Variants in ATP8B4 observed in about 807,000 individuals in gnomAD.
The protein encoded by ATP8B4 is probable phospholipid-transporting ATPase IM.
In ATP8B4, 133 loss-of-function variants were observed where a neutral mutation model predicts 145.6. That is an observed-to-expected ratio of 0.91 (90% CI 0.79 to 1.05). The LOEUF (loss-of-function observed/expected upper bound fraction) is 1.05, where lower values mean the gene tolerates loss of function less well. Among genes scored for constraint, ATP8B4 ranks in the 50% least tolerant of loss-of-function variants. The pLI is 0.00. For synonymous variants in ATP8B4, 507 were observed against 492.9 expected (o/e 1.03, Z -0.38); for missense variants, 1,458 against 1,425.2 (o/e 1.02, Z -0.37).
In ATP8B4 at chr15:50,010,917, T is replaced by C. The variant is rs200648604; in HGVS notation, c.363A>G (p.Lys121=). ...NRQSEVLINS[K]LQNEKWMNVK... ...CATTCATCCATTTTTCATTCTGCAG[T>C]CTAAAAACAAAAATAAAATTAATTT... The change falls in exon 7 of 28, where the codon AAA becomes AAG. Residue 121 remains lysine (K), a splice_region_variant and synonymous_variant. Coordinates refer to ENST00000284509, the MANE Select transcript of ATP8B4 (RefSeq NM_024837.4). 4 of 1,534,822 alleles carry C rather than the reference T, an allele frequency of 2.6e-6. No individual in the cohort carries two copies. The highest frequency in any genetic ancestry group is 3.5e-4 in the Middle Eastern group (2 of 5,740).
intron 16 of ATP8B4, among the ~76,000 whole-genome samples, chr15:49,924,597 A>G (rs74012842): frequency 0.018 from 2,797 of 152,288 alleles, 82 homozygotes; most frequent in African/African-American, 0.064. Context: ...AAAAAAATAT[A>G]AAAACCAAAA....
In ATP8B4 at chr15:49,879,366, A is replaced by T; in HGVS notation, c.2781+10T>A. ...AGAAACTAAGTTATAAAGATGGAAA[A>T]AAAACATACCTGGTCAAAAATCCCC... On this transcript the variant is annotated intron_variant, in intron 24 of 27. Coordinates refer to ENST00000284509, the MANE Select transcript of ATP8B4 (RefSeq NM_024837.4). 1 of 1,601,246 alleles carries T rather than the reference A, an allele frequency of 6.2e-7. No individual in the cohort carries two copies. Among genetic ancestry groups the T allele is most frequent in the Non-Finnish European group, 8.5e-7 (1 of 1,172,878 alleles).
intron 1 of ATP8B4, among the ~76,000 whole-genome samples, chr15:50,126,300 G>C (rs1054919435): frequency 2.0e-5 from 3 of 150,106 alleles, no homozygotes; most frequent in African/African-American, 4.9e-5. Context: ...CTTTGAACCA[G>C]AGCAACTCCA....
At chr15:50,055,474 G>A (rs932698599) in intron 3 of ATP8B4, among the ~76,000 whole-genome samples, 2 of 152,176 alleles carry the variant, frequency 1.3e-5, no homozygotes, top group African/African-American at 2.4e-5. Context: ...GTTGTCCAGA[G>A]ACACTGCCTA....
chr15:49,876,706 T>C (rs2034487393), intron 24 of ATP8B4, 183 bp from the exon 25 acceptor site: 1 of 901,118 alleles, frequency 1.1e-6, no homozygotes, highest in Non-Finnish European at 1.8e-6. Flanking sequence ...AATAAAATGA[T>C]CTCTACTTTA....
At chr15:49,950,865 C>A (rs2043045009) in intron 14 of ATP8B4, among the ~76,000 whole-genome samples, 1 of 152,180 alleles carries the variant, frequency 6.6e-6, no homozygotes, top group Admixed American at 6.5e-5. Context: ...CTTAATGCTG[C>A]TTTAGCTGTG....
At chr15:50,118,386 C>G (rs1031360091) in intron 1 of ATP8B4, among the ~76,000 whole-genome samples, 1 of 152,126 alleles carries the variant, frequency 6.6e-6, no homozygotes, top group African/African-American at 2.4e-5. Context: ...TGAAATCACT[C>G]TGAGTTTACA....
upstream of ATP8B4, among the ~76,000 whole-genome samples, chr15:50,123,240 A>G (rs1384992243): frequency 6.6e-6 from 1 of 152,180 alleles, no homozygotes; most frequent in East Asian, 1.9e-4. Flanking sequence ...CTAACCTCCA[A>G]GCTGTCCTTG....
At chr15:50,054,145 AG>A (rs1276656702) in intron 3 of ATP8B4, among the ~76,000 whole-genome samples, 2 of 152,246 alleles carry the variant, frequency 1.3e-5, no homozygotes, top group Non-Finnish European at 2.9e-5. Flanking sequence ...GCTATGCTAC[AG>A]TAATAACTCC....
intron 2 of ATP8B4, among the ~76,000 whole-genome samples, chr15:50,087,348 C>CTATATTTATATATAATAGATATAGATCTA (rs1555485683): frequency 9.0e-5 from 12 of 133,888 alleles, no homozygotes; most frequent in Admixed American, 2.3e-4. Context: ...TAATATAGAT[C>CTATATTTATATATAATAGATATAGATCTA]TATATATTAT....
chr15:50,118,325 G>A (rs898365099), intron 1 of ATP8B4, among the ~76,000 whole-genome samples: 1 of 151,952 alleles, frequency 6.6e-6, no homozygotes, highest in African/African-American at 2.4e-5. Context: ...AATATGTGCA[G>A]TTATTACATA....
intron 1 of ATP8B4, among the ~76,000 whole-genome samples, chr15:50,177,008 C>T (rs985968937): frequency 1.3e-5 from 2 of 152,118 alleles, no homozygotes; most frequent in African/African-American, 4.8e-5. Flanking sequence ...ATCCTGTATG[C>T]CTATACTCAA....
chr15:50,081,745 C>T (rs959373903), intron 2 of ATP8B4, among the ~76,000 whole-genome samples: 1 of 152,226 alleles, frequency 6.6e-6, no homozygotes, highest in Non-Finnish European at 1.5e-5. Context: ...ACTAGACCCA[C>T]GAGCGATCAC....
chr15:50,100,933 AC>A (rs542759936), intron 2 of ATP8B4, among the ~76,000 whole-genome samples: 22 of 152,344 alleles, frequency 1.4e-4, no homozygotes, highest in South Asian at 1.0e-3. Context: ...TAATAAAAAA[AC>A]AATTATGTAC....
intron 14 of ATP8B4, among the ~76,000 whole-genome samples, chr15:49,953,879 G>A (rs567698605): frequency 5.8e-4 from 88 of 152,280 alleles, no homozygotes; most frequent in African/African-American, 1.9e-3. Flanking sequence ...CAGTTTCCCC[G>A]GCTGGGTAGC....
chr15:50,172,039 T>C (rs555985087), intron 1 of ATP8B4, among the ~76,000 whole-genome samples: 2 of 151,840 alleles, frequency 1.3e-5, no homozygotes, highest in East Asian at 1.9e-4. Flanking sequence ...CACTGAACAG[T>C]GAGATTGAAA....
Position 49,987,130 on chromosome 15 carries a change from C to A in ATP8B4, c.748+261G>T, listed in dbSNP as rs576729226. 5.9e-5 allele frequency among the ~76,000 whole-genome samples: 9 copies of A among 152,276 alleles called. 1 individual carries two copies. In the South Asian group the frequency reaches 1.7e-3, roughly 28 times the overall value. On this transcript the variant is annotated intron_variant, in intron 10 of 27. Coordinates refer to ENST00000284509, the MANE Select transcript of ATP8B4 (RefSeq NM_024837.4). ...TGAAGAAAAATTAAGCAGTAGGTAT[C>A]TAGCACCCACTGTCTAGTTAAAGCT...
At chr15:49,970,146 C>A (rs2044962709) in intron 13 of ATP8B4, among the ~76,000 whole-genome samples, 1 of 152,126 alleles carries the variant, frequency 6.6e-6, no homozygotes, top group Non-Finnish European at 1.5e-5. Context: ...CTATTTATGA[C>A]AAACCCACAG....
chr15:50,059,450 C>T (rs900723300), intron 3 of ATP8B4, among the ~76,000 whole-genome samples: 2 of 152,142 alleles, frequency 1.3e-5, no homozygotes, highest in South Asian at 2.1e-4. Context: ...ACTAGGAAGG[C>T]CAGCTAGGAA....
Sources: gnomAD v4.1 joint callset for allele counts (sites outside exome capture counted in the v4.1 genomes callset) on GRCh38, gnomAD v4.1.1 for gene constraint, MANE v1.5 for transcripts, NCBI Gene and HGNC (gene_info 2026-07-23, HGNC 2026-07-21) for gene names.